Variants in AGAP3 observed in about 807,000 individuals in gnomAD.
AGAP3 encodes the protein arf-GAP with GTPase, ANK repeat and PH domain-containing protein 3.
AGAP3 carries 24 observed loss-of-function variants against 96.9 expected under a neutral mutation model. The observed-to-expected ratio is 0.25, with a 90% confidence interval of 0.18 to 0.35. The LOEUF (loss-of-function observed/expected upper bound fraction) is 0.35, where lower values mean the gene tolerates loss of function less well. Ranked by LOEUF, AGAP3 falls within the 10% of genes least tolerant of loss-of-function variation. The pLI, the probability that AGAP3 is intolerant of heterozygous loss-of-function variation, is 1.00. For missense variants in AGAP3, 876 were observed against 1,254.2 expected (o/e 0.70, Z 4.55); for synonymous variants, 563 against 536.1 (o/e 1.05, Z -0.69).
Position 151,143,470 on chromosome 7 carries a change from G to C in AGAP3, c.2403G>C (p.Leu801Phe), listed in dbSNP as rs1457032034. The C allele has an allele frequency of 6.2e-7, 1 of 1,614,212 alleles. No individual in the cohort carries two copies. Among genetic ancestry groups the C allele is most frequent in the Admixed American group, 1.7e-5 (1 of 60,024 alleles). ...TGGTGGAAGATGACCTGCGGCTGTT[G>C]GTGATGCTCCTGGCACATGGCTCCA... ...RAVVEDDLRLLVMLLAHGSKE... is the reference protein window; with the variant it reads ...RAVVEDDLRLFVMLLAHGSKE... Residue 801 changes from leucine (L) to phenylalanine (F), a missense_variant, in exon 17 of 18, where the codon TTG becomes TTC. Physicochemically the swap from Leu to Phe is conservative, Grantham distance 22. Transcript: ENST00000397238. The surrounding 1 kb of genome is among the most constrained non-coding windows in gnomAD (Gnocchi z 5.9).
chr7:151,113,575 G>T (rs191471883), intron 1 of AGAP3, among the ~76,000 whole-genome samples: 139 of 152,354 alleles, frequency 9.1e-4, no homozygotes, highest in Non-Finnish European at 4.4e-4. Context: ...GGGCTGGACT[G>T]GGGGTGGAGG....
At chr7:151,127,315 A>G (rs1478240564) in intron 9 of AGAP3, among the ~76,000 whole-genome samples, 2 of 151,992 alleles carry the variant, frequency 1.3e-5, no homozygotes. Context: ...CTCCATTCCT[A>G]AAGGAGATGC....
chr7:151,098,526 G>A (rs1360617854), intron 1 of AGAP3, among the ~76,000 whole-genome samples: 5 of 152,068 alleles, frequency 3.3e-5, no homozygotes, highest in Non-Finnish European at 4.4e-5. Context: ...GGTGGCGTGC[G>A]CCTATAGTCC....
Position 151,143,205 on chromosome 7 carries a change from T to G in AGAP3, c.2274-136T>G. 1 of 1,074,668 alleles carries G rather than the reference T, an allele frequency of 9.3e-7. No homozygotes were observed. Among genetic ancestry groups the G allele is most frequent in the Non-Finnish European group, 1.3e-6 (1 of 760,694 alleles). 66.6% of individuals were successfully genotyped at this position (1,074,668 alleles called of 1,614,324 possible). A position where few individuals can be genotyped will look rare whatever the true frequency, so the allele number is the denominator to read the frequency against. ...TTCCAAGGCTTCTCTCCTTCCTTTT[T>G]GCTCCATCTCATCTTCTCTCACTGT... On this transcript the variant is annotated intron_variant, in intron 16 of 17. Transcript: ENST00000397238. This position sits in a 1 kb window ranked among gnomAD's most constrained non-coding sequence, Gnocchi z 5.9.
At chr7:151,117,333 TC>T in intron 3 of AGAP3, 37 bp from the exon 4 acceptor site, 1 of 1,613,068 alleles carries the variant, frequency 6.2e-7, no homozygotes, top group Non-Finnish European at 8.5e-7. Context: ...CTGGATTCTT[TC>T]TCCACACTTT....
At chr7:151,098,014 C>T (rs1798680372) in intron 1 of AGAP3, among the ~76,000 whole-genome samples, 2 of 152,292 alleles carry the variant, frequency 1.3e-5, no homozygotes, top group East Asian at 3.9e-4. Flanking sequence ...CCTGGCCATA[C>T]CAGGCCAGTG....
At position 151,116,892 on chromosome 7, in the gene AGAP3, G is replaced by GC. The variant is rs202151892; in HGVS notation, c.390+41_390+42insC. The GC allele has an allele frequency of 3.5e-5, 57 of 1,612,486 alleles. No individual in the cohort carries two copies. The East Asian group carries it at 9.8e-4, about 28-fold the overall frequency. On this transcript the variant is annotated intron_variant, in intron 2 of 17. Coordinates refer to ENST00000397238, the MANE Select transcript of AGAP3 (RefSeq NM_031946.7). ...GGGCAGCACCGGCGGCCTGGAGCTG[G>GC]GGGGGCGAGGCTGGGTGCCGCGGGC... is the stretch of plus-strand genomic sequence containing the variant.
chr7:151,138,079 T>C (rs1049045824), intron 11 of AGAP3, 64 bp from the exon 12 acceptor site: 29 of 1,230,244 alleles, frequency 2.4e-5, no homozygotes, highest in Non-Finnish European at 2.9e-5. Flanking sequence ...ATTTTTAGGA[T>C]AGTATCTTTG....
At chr7:151,091,145 A>C (rs1030093655) in intron 1 of AGAP3, among the ~76,000 whole-genome samples, 11 of 151,744 alleles carry the variant, frequency 7.2e-5, no homozygotes, top group Admixed American at 7.2e-4. Flanking sequence ...CTGGGTGGGC[A>C]CTCCCTGGCC....
At position 151,142,799 on chromosome 7, in the gene AGAP3, GTCAC is replaced by G. The variant is rs1024191518; in HGVS notation, c.2273+169_2273+172del. Among the ~76,000 whole-genome samples, 10 of 152,226 alleles carry G rather than the reference GTCAC, an allele frequency of 6.6e-5. No individual in the cohort carries two copies. The highest frequency in any genetic ancestry group is 6.5e-4 in the Admixed American group (10 of 15,286). Reference sequence around the variant, plus strand: ...GGGTGCCCCTCCTGCTCTGGTGCCTGTCACTCAGGCGCCTCACAACAACGGGCCC... The same window carrying G: ...GGGTGCCCCTCCTGCTCTGGTGCCTGTCAGGCGCCTCACAACAACGGGCCC... On this transcript the variant is annotated intron_variant, in intron 16 of 17. Transcript: ENST00000397238. This position sits in a 1 kb window ranked among gnomAD's most constrained non-coding sequence, Gnocchi z 7.5.
rs766532891 is a variant in AGAP3, at chr7:151,118,528, C to A, written c.865C>A (p.Arg289=). ...QDVAQKVVAL[R]KKQQLAIGPC... Reference sequence around the variant, plus strand: ...AGTGGCCCAGAAGGTAGTGGCCTTGCGAAAGAAGCAGCAACTGGCCATCGG... The same window carrying A: ...AGTGGCCCAGAAGGTAGTGGCCTTGAGAAAGAAGCAGCAACTGGCCATCGG... Residue 289 remains arginine, a synonymous_variant, in exon 7 of 18, where the codon CGA becomes AGA. Transcript: ENST00000397238. This position sits in a 1 kb window ranked among gnomAD's most constrained non-coding sequence, Gnocchi z 6.1. 3 of 1,614,150 alleles carry A rather than the reference C, an allele frequency of 1.9e-6. No homozygotes were observed. The highest frequency in any genetic ancestry group is 3.3e-5 in the Admixed American group (2 of 60,016).
intron 8 of AGAP3, among the ~76,000 whole-genome samples, chr7:151,122,553 C>T (rs1228457699): frequency 6.6e-6 from 1 of 151,834 alleles, no homozygotes; most frequent in African/African-American, 2.4e-5. Context: ...TCCTTCTCCT[C>T]CTCCTCCTTG....
In AGAP3 at chr7:151,142,568, C is replaced by T; in HGVS notation, c.2207C>T (p.Ala736Val). The T allele has an allele frequency of 1.2e-6, 2 of 1,613,608 alleles. No homozygotes were observed. Among genetic ancestry groups the T allele is most frequent in the Non-Finnish European group, 8.5e-7 (1 of 1,180,024 alleles). The change falls in exon 16 of 18, where the codon GCC (alanine) becomes GTC (valine). Residue 736 changes from alanine to valine, a missense_variant. Around this residue, in one of 8 missense-constraint regions of AGAP3, gnomAD observed 213 missense variants for 253.8 expected, o/e 0.84. Transcript: ENST00000397238. The surrounding 1 kb of genome is among the most constrained non-coding windows in gnomAD (Gnocchi z 7.5). ...GCTGTCATGACTGCCATGGGCAATG[C>T]CCTCGCCAACAGCGTCTGGGAGGGG... is the stretch of plus-strand genomic sequence containing the variant. ...LLAVMTAMGN[A>V]LANSVWEGAL...
chr7:151,133,056 C>T lies in AGAP3; in HGVS notation c.1327-1344C>T, dbSNP rs987166292. Among the ~76,000 whole-genome samples, 3 of 152,188 alleles carry T rather than the reference C, an allele frequency of 2.0e-5. No individual in the cohort carries two copies. The highest frequency in any genetic ancestry group is 4.4e-5 in the Non-Finnish European group (3 of 68,030). ...GAGGAGCGCGTCTGGGAAGGCTCGT[C>T]GCACGGCCGCCCTTAGGATGCAGAT... On this transcript the variant is annotated intron_variant, in intron 10 of 17. Coordinates refer to ENST00000397238, the MANE Select transcript of AGAP3 (RefSeq NM_031946.7). This position sits in a 1 kb window ranked among gnomAD's most constrained non-coding sequence, Gnocchi z 5.4.
Position 151,117,785 on chromosome 7 carries a change from G to A in AGAP3, c.706+8G>A, listed in dbSNP as rs750394982. 1.7e-5 allele frequency: 27 copies of A among 1,610,310 alleles called. No individual in the cohort carries two copies. The highest frequency in any genetic ancestry group is 7.7e-5 in the South Asian group (7 of 90,600). ...TGCTTGTGGGCACGCAGGGTGAGGC[G>A]GGGCCCTGCAGGAGCTGGCAGAGAG... On this transcript the variant is annotated splice_region_variant and intron_variant, in intron 5 of 17. Coordinates refer to ENST00000397238, the MANE Select transcript of AGAP3 (RefSeq NM_031946.7).
intron 1 of AGAP3, among the ~76,000 whole-genome samples, chr7:151,111,340 G>A (rs989363111): frequency 3.3e-5 from 5 of 152,216 alleles, no homozygotes; most frequent in African/African-American, 1.2e-4. Context: ...CTGGCCACAA[G>A]CTCCGGCTTT....
At position 151,123,862 on chromosome 7, in the gene AGAP3, C is replaced by T. The variant is rs371039374; in HGVS notation, c.1197C>T (p.Ser399=). The T allele has an allele frequency of 2.7e-4, 434 of 1,610,218 alleles. 7 individuals carry two copies. In the South Asian group the frequency reaches 4.5e-3, roughly 17 times the overall value. Residue 399 remains serine, a synonymous_variant, in exon 9 of 18, where the codon AGC becomes AGT. Transcript: ENST00000397238. ...AAECKVDSIG[S]GRAIPIKQGI... is the part of the protein sequence containing the mutation. ...AGTGCAAGGTGGACAGCATCGGGAGCGGCCGCGCCATCCCCATCAAGCAGG... is the reference window on the plus strand; with the variant it reads ...AGTGCAAGGTGGACAGCATCGGGAGTGGCCGCGCCATCCCCATCAAGCAGG...
chr7:151,138,977 C>T (rs1242153646), intron 12 of AGAP3, among the ~76,000 whole-genome samples: 2 of 152,208 alleles, frequency 1.3e-5, no homozygotes, highest in African/African-American at 2.4e-5. Context: ...CCTTTGTTCT[C>T]TTTCTCTCTC....
chr7:151,101,172 G>A (rs1798821160), intron 1 of AGAP3, among the ~76,000 whole-genome samples: 2 of 152,214 alleles, frequency 1.3e-5, no homozygotes, highest in Admixed American at 6.5e-5. Context: ...ACCAGGCCCG[G>A]CCCCATGAGT....
Sources: allele counts gnomAD v4.1 joint callset (sites outside exome capture counted in the v4.1 genomes callset), GRCh38; gene constraint gnomAD v4.1.1; regional missense constraint gnomAD v4.1.1; non-coding constraint Gnocchi (gnomAD v3.1); transcripts MANE v1.5; gene names NCBI Gene and HGNC (gene_info 2026-07-23, HGNC 2026-07-21).